The following NCOA2 variants were observed in gnomAD, a reference collection of about 807,000 sequenced individuals.
The protein encoded by NCOA2 is class E basic helix-loop-helix protein 75.
Under a neutral mutation model 145.1 loss-of-function variants are expected in NCOA2, and 21 were observed. The ratio of observed to expected loss-of-function variants is 0.14; its 90% confidence interval spans 0.10 to 0.21. The LOEUF (loss-of-function observed/expected upper bound fraction) is 0.21, where lower values mean the gene tolerates loss of function less well. Among genes scored for constraint, NCOA2 ranks in the 10% least tolerant of loss-of-function variants. The pLI, the probability that NCOA2 is intolerant of heterozygous loss-of-function variation, is 1.00. For synonymous variants in NCOA2, 619 were observed against 637.5 expected, an observed-to-expected ratio of 0.97 and a Z score of 0.44; for missense variants, 1,472 against 1,837.6, an observed-to-expected ratio of 0.80 and a Z score of 3.64.
Position 70,148,323 on chromosome 8 carries a change from G to A in NCOA2, c.2555C>T (p.Pro852Leu), listed in dbSNP as rs1380929087. ...TTTCTGGGCTCCAACAGGTGTGACAGGGCTGTTTTCAGCTGTGAGTTGCAT... is the reference window on the plus strand; with the variant it reads ...TTTCTGGGCTCCAACAGGTGTGACAAGGCTGTTTTCAGCTGTGAGTTGCAT... ...DLMQLTAENS[P>L]VTPVGAQKTA... Residue 852 changes from proline to leucine, a missense_variant, in exon 12 of 23, where the codon CCT becomes CTT. Coordinates refer to ENST00000452400, the MANE Select transcript of NCOA2 (RefSeq NM_006540.4). 1.2e-6 allele frequency: 2 copies of A among 1,614,024 alleles called. No homozygotes were observed. The highest frequency in any genetic ancestry group is 1.7e-6 in the Non-Finnish European group (2 of 1,179,890).
chr8:70,255,780 T>C (rs977752559), intron 2 of NCOA2, among the ~76,000 whole-genome samples: 1 of 152,168 alleles, frequency 6.6e-6, no homozygotes, highest in Non-Finnish European at 1.5e-5. Flanking sequence ...GATTGAAGCA[T>C]GCTTGCCACC....
At chr8:70,386,146 T>G (rs1040572169) in intron 1 of NCOA2, among the ~76,000 whole-genome samples, 2 of 152,236 alleles carry the variant, frequency 1.3e-5, no homozygotes, top group Admixed American at 6.5e-5. Flanking sequence ...CTTCAAGTAC[T>G]GTTCCCCACT....
intron 2 of NCOA2, among the ~76,000 whole-genome samples, chr8:70,225,732 T>TA (rs1820573720): frequency 1.3e-5 from 2 of 152,182 alleles, no homozygotes; most frequent in East Asian, 3.8e-4. Flanking sequence ...CTAAGATTCA[T>TA]AATATAATTT....
chr8:70,419,124 A>C, the NCOA2 span, among the ~76,000 whole-genome samples: 1 of 151,190 alleles, frequency 6.6e-6, no homozygotes, highest in Non-Finnish European at 1.5e-5. Context: ...AAAACTAGAT[A>C]TCCAGATTCT....
At chr8:70,134,686 T>C (rs1203926941) in intron 15 of NCOA2, among the ~76,000 whole-genome samples, 2 of 152,338 alleles carry the variant, frequency 1.3e-5, no homozygotes, top group East Asian at 3.9e-4. Context: ...TACAGCCAAA[T>C]GCTTAATAAC....
chr8:70,381,990 T>C (rs1207302641), intron 1 of NCOA2, among the ~76,000 whole-genome samples: 2 of 152,162 alleles, frequency 1.3e-5, no homozygotes, highest in Non-Finnish European at 2.9e-5. Context: ...AACTCAGGGA[T>C]AGAGGAGCGA....
chr8:70,177,044 C>T (rs980594348), intron 4 of NCOA2, among the ~76,000 whole-genome samples: 9 of 152,208 alleles, frequency 5.9e-5, no homozygotes, highest in African/African-American at 2.2e-4. Context: ...CATGCAGGAG[C>T]AATGTGCTGA....
In NCOA2 at chr8:70,162,684, T is replaced by C. The variant is rs371033468; in HGVS notation, c.976+27A>G. The C allele has an allele frequency of 6.6e-5, 105 of 1,590,348 alleles. No homozygotes were observed. The Middle Eastern group carries it at 1.2e-3, about 18-fold the overall frequency. On this transcript the variant is annotated intron_variant, in intron 9 of 22. Transcript: ENST00000452400. ...AAAGCTCCCACAGGAAGCAATAATT[T>C]AAGAAAAATCATTTAGAGATGCTTA...
At chr8:70,417,135 TG>T in the NCOA2 span, among the ~76,000 whole-genome samples, 2 of 150,942 alleles carry the variant, frequency 1.3e-5, no homozygotes, top group African/African-American at 4.9e-5. Flanking sequence ...GTGCTGGGCA[TG>T]GTGGCTCATG....
At chr8:70,131,796 T>C (rs553791472) in intron 16 of NCOA2, 41 bp downstream of exon 16, 3 of 1,556,026 alleles carry the variant, frequency 1.9e-6, no homozygotes, top group South Asian at 1.2e-5. Context: ...TCTGCGCCCA[T>C]GAGAGCGCTT....
At chr8:70,433,734 C>G in the NCOA2 span, among the ~76,000 whole-genome samples, 1 of 152,190 alleles carries the variant, frequency 6.6e-6, no homozygotes, top group African/African-American at 2.4e-5. Context: ...GTTGTCAAGA[C>G]TTGGTCACTC....
intron 4 of NCOA2, among the ~76,000 whole-genome samples, chr8:70,188,124 T>C (rs1816280965): frequency 6.6e-6 from 1 of 152,240 alleles, no homozygotes; most frequent in South Asian, 2.1e-4. Context: ...GGTAGCCTTT[T>C]TTTTGTAGAC....
chr8:70,351,168 C>T (rs1300852673), intron 1 of NCOA2, among the ~76,000 whole-genome samples: 1 of 152,196 alleles, frequency 6.6e-6, no homozygotes, highest in Non-Finnish European at 1.5e-5. Flanking sequence ...TTAATACTGT[C>T]ACAATGGCAA....
At chr8:70,159,392 A>T (rs1205485171) in intron 10 of NCOA2, 113 bp downstream of exon 10, 2 of 955,454 alleles carry the variant, frequency 2.1e-6, no homozygotes, top group Non-Finnish European at 3.0e-6. Flanking sequence ...CATTACTGGG[A>T]TTGATGAGAA....
At chr8:70,421,763 A>G in the NCOA2 span, among the ~76,000 whole-genome samples, 1 of 151,474 alleles carries the variant, frequency 6.6e-6, no homozygotes, top group African/African-American at 2.4e-5. Context: ...CTTTTGGTAA[A>G]AAAAAAAAAG....
chr8:70,192,880 A>C (rs1816840255), intron 4 of NCOA2, among the ~76,000 whole-genome samples: 1 of 152,068 alleles, frequency 6.6e-6, no homozygotes, highest in Non-Finnish European at 1.5e-5. Flanking sequence ...CAGCCTGACC[A>C]ACATGGTGAA....
At chr8:70,267,814 G>A (rs182755406) in intron 2 of NCOA2, among the ~76,000 whole-genome samples, 6 of 152,210 alleles carry the variant, frequency 3.9e-5, no homozygotes, top group East Asian at 1.9e-4. Flanking sequence ...AGGCACAAAC[G>A]TTAGGTATTT....
At chr8:70,149,229 TG>T (rs1190127907) in intron 11 of NCOA2, among the ~76,000 whole-genome samples, 3 of 151,478 alleles carry the variant, frequency 2.0e-5, no homozygotes, top group Admixed American at 6.6e-5. Flanking sequence ...GCTATAAAAA[TG>T]TTTTTTTTGT....
At chr8:70,386,343 T>C (rs1428618131) in intron 1 of NCOA2, among the ~76,000 whole-genome samples, 2 of 152,226 alleles carry the variant, frequency 1.3e-5, no homozygotes, top group East Asian at 3.8e-4. Flanking sequence ...CTATCATCCA[T>C]GCTCTCACCA....
Sources: gnomAD v4.1 joint callset for allele counts (sites outside exome capture counted in the v4.1 genomes callset) on GRCh38, gnomAD v4.1.1 for gene constraint, MANE v1.5 for transcripts, NCBI Gene and HGNC (gene_info 2026-07-23, HGNC 2026-07-21) for gene names.